NAALADL2: variants seen among roughly 807,000 people sequenced by gnomAD.
NAALADL2 encodes the protein N-acetylated alpha-linked acidic dipeptidase like 2, also known as inactive N-acetylated-alpha-linked acidic dipeptidase-like protein 2.
A neutral mutation model predicts 87.2 loss-of-function variants in NAALADL2; 76 were observed. The observed-to-expected ratio is 0.87, with a 90% confidence interval of 0.72 to 1.05. The LOEUF is 1.05. NAALADL2 is among the 50% of genes least tolerant of loss of function. The pLI is 0.00. For synonymous variants in NAALADL2, 354 were observed against 331.0 expected (o/e 1.07, Z -0.75); for missense variants, 1,089 against 945.8 (o/e 1.15, Z -1.99).
chr3:175,241,820 G>A lies in NAALADL2; in HGVS notation c.819+7616G>A, dbSNP rs75600203. On this transcript the variant is annotated intron_variant, in intron 3 of 13. Transcript: ENST00000454872. ...TTTTCCCCACTTGATTACAACACAT[G>A]TGGCATTTTTAGTGAGAAAGTATCT... 6.4e-3 allele frequency among the ~76,000 whole-genome samples: 876 copies of A among 136,262 alleles called. 22 individuals are homozygous for A. The highest frequency in any genetic ancestry group is 0.057 in the East Asian group (259 of 4,542). The allele number at this position is 136,262 out of a possible 152,430, so 89.4% of individuals were successfully genotyped here.
chr3:174,996,996 GTGT>G (rs1305578045), intron 1 of NAALADL2, among the ~76,000 whole-genome samples: 1,059 of 11,698 alleles, frequency 0.091, 15 homozygotes, highest in Middle Eastern at 0.17. Context: ...TCCAAGGGGT[GTGT>G]GTGTGTGTGT....
intron 4 of NAALADL2, among the ~76,000 whole-genome samples, chr3:175,265,511 A>G (rs926959457): frequency 1.3e-5 from 2 of 151,702 alleles, no homozygotes; most frequent in East Asian, 1.9e-4. Context: ...CTGTCTCTTG[A>G]TAAATATTGC....
intron 11 of NAALADL2, among the ~76,000 whole-genome samples, chr3:175,651,857 A>G (rs1730806946): frequency 2.0e-5 from 3 of 152,234 alleles, no homozygotes; most frequent in Admixed American, 6.5e-5. Context: ...TTTTCTGGCC[A>G]TTTAAAAATG....
chr3:174,664,514 A>G (rs1286395213), intron 2 of NAALADL2, among the ~76,000 whole-genome samples: 2 of 152,140 alleles, frequency 1.3e-5, no homozygotes, highest in African/African-American at 2.4e-5. Context: ...GCATCAATGG[A>G]TGTTGTCATA....
intron 5 of NAALADL2, among the ~76,000 whole-genome samples, chr3:175,386,350 G>A (rs1029334444): frequency 1.3e-5 from 2 of 151,688 alleles, no homozygotes; most frequent in Non-Finnish European, 2.9e-5. Context: ...CCATCCTAAT[G>A]GTATTATTTA....
At chr3:175,447,079 G>T in intron 5 of NAALADL2, 150 bp from the exon 6 acceptor site, 1 of 487,466 alleles carries the variant, frequency 2.1e-6, no homozygotes, top group Middle Eastern at 4.9e-4. Context: ...ATGTTAATAA[G>T]TAAACAGGGT....
chr3:175,777,888 G>A (rs920475128), intron 13 of NAALADL2, among the ~76,000 whole-genome samples: 1 of 152,094 alleles, frequency 6.6e-6, no homozygotes, highest in Non-Finnish European at 1.5e-5. Flanking sequence ...AATTTACCGT[G>A]ATCCTTTAAA....
At chr3:175,124,186 A>G (rs1305323011) in intron 2 of NAALADL2, among the ~76,000 whole-genome samples, 3 of 151,992 alleles carry the variant, frequency 2.0e-5, no homozygotes, top group Non-Finnish European at 2.9e-5. Context: ...CTATTTGGGC[A>G]TGATCAAATT....
At chr3:174,771,924 A>G (rs1383054853) in intron 3 of NAALADL2, among the ~76,000 whole-genome samples, 1 of 152,210 alleles carries the variant, frequency 6.6e-6, no homozygotes, top group African/African-American at 2.4e-5. Flanking sequence ...CACATACTCA[A>G]CTGTTCATTC....
At chr3:175,244,526 C>T (rs930953606) in intron 3 of NAALADL2, among the ~76,000 whole-genome samples, 8 of 152,006 alleles carry the variant, frequency 5.3e-5, no homozygotes, top group African/African-American at 1.4e-4. Context: ...ATCTACCACC[C>T]AACTGTTGTT....
intron 1 of NAALADL2, chr3:175,081,068 C>G (rs1208664109): frequency 1.3e-5 from 2 of 152,166 alleles, no homozygotes; most frequent in Non-Finnish European, 1.5e-5. Flanking sequence ...CACTGACCAT[C>G]AGCAAATGGT....
intron 10 of NAALADL2, among the ~76,000 whole-genome samples, chr3:175,586,202 T>C (rs1328738136): frequency 6.6e-6 from 1 of 151,310 alleles, no homozygotes; most frequent in African/African-American, 2.5e-5. Flanking sequence ...AGTTCACAGC[T>C]TGTATACACA....
chr3:175,326,684 C>G (rs1186346308), intron 5 of NAALADL2, among the ~76,000 whole-genome samples: 1 of 152,190 alleles, frequency 6.6e-6, no homozygotes, highest in Non-Finnish European at 1.5e-5. Context: ...GGGCTTTAAT[C>G]ATTTCATCCA....
intron 5 of NAALADL2, among the ~76,000 whole-genome samples, chr3:175,400,820 A>C (rs1003976308): frequency 4.6e-5 from 7 of 152,168 alleles, no homozygotes; most frequent in Non-Finnish European, 8.8e-5. Flanking sequence ...AACTGGGCCT[A>C]GACAAAGCCT....
intron 9 of NAALADL2, among the ~76,000 whole-genome samples, chr3:175,499,439 T>C (rs1729245353): frequency 6.6e-6 from 1 of 152,078 alleles, no homozygotes; most frequent in African/African-American, 2.4e-5. Context: ...CATATAATTA[T>C]TTTAAATTAC....
chr3:175,342,125 GT>G (rs1242191322), intron 5 of NAALADL2, among the ~76,000 whole-genome samples: 1 of 151,992 alleles, frequency 6.6e-6, no homozygotes, highest in Non-Finnish European at 1.5e-5. Flanking sequence ...CTTTGTTCTT[GT>G]TTTGATAATT....
intron 10 of NAALADL2, among the ~76,000 whole-genome samples, chr3:175,607,368 C>T (rs1723906880): frequency 6.6e-6 from 1 of 152,160 alleles, no homozygotes; most frequent in South Asian, 2.1e-4. Flanking sequence ...CATAATTATG[C>T]TTTTTTCCTT....
At chr3:174,787,601 A>ATATATATATATG (rs1716919999) in intron 3 of NAALADL2, among the ~76,000 whole-genome samples, 3 of 91,184 alleles carry the variant, frequency 3.3e-5, no homozygotes, top group African/African-American at 1.2e-4. Flanking sequence ...ATATATATAT[A>ATATATATATATG]TATATATATA....
At chr3:175,249,737 A>G (rs1299992560) in intron 3 of NAALADL2, among the ~76,000 whole-genome samples, 1 of 152,130 alleles carries the variant, frequency 6.6e-6, no homozygotes, top group Non-Finnish European at 1.5e-5. Context: ...GGGCCCCTCT[A>G]TGGACTGACT....
Sources: gnomAD v4.1 joint callset for allele counts (sites outside exome capture counted in the v4.1 genomes callset) on GRCh38, gnomAD v4.1.1 for gene constraint, MANE v1.5 for transcripts, NCBI Gene and HGNC (gene_info 2026-07-23, HGNC 2026-07-21) for gene names.